EIF2S2: variants seen among roughly 807,000 people sequenced by gnomAD.
EIF2S2 encodes eukaryotic translation initiation factor 2 subunit 2.
Under a neutral mutation model 44.0 loss-of-function variants are expected in EIF2S2, and 4 were observed. The observed-to-expected ratio is 0.09, with a 90% confidence interval of 0.04 to 0.21. The LOEUF is 0.21. Among genes scored for constraint, EIF2S2 ranks in the 10% least tolerant of loss-of-function variants. The probability of loss-of-function intolerance (pLI) is 1.00; values close to 1 mark genes in which losing one functional copy is unlikely to be tolerated. For synonymous variants in EIF2S2, 108 were observed against 128.3 expected, an observed-to-expected ratio of 0.84 and a Z score of 1.07; for missense variants, 154 against 392.0, an observed-to-expected ratio of 0.39 and a Z score of 5.13.
At chr20:34,098,348 G>T in intron 4 of EIF2S2, 150 bp downstream of exon 4, 1 of 759,168 alleles carries the variant, frequency 1.3e-6, no homozygotes, top group Non-Finnish European at 2.0e-6. Context: ...CCATTATCAA[G>T]CCAAACACTG....
chr20:34,110,835 T>G (rs562711557), intron 1 of EIF2S2, among the ~76,000 whole-genome samples: 121 of 152,358 alleles, frequency 7.9e-4, no homozygotes, highest in African/African-American at 2.8e-3. Flanking sequence ...CTCAGAACTT[T>G]TGAAATACAG....
intron 8 of EIF2S2, 114 bp from the exon 9 acceptor site, chr20:34,090,019 T>G: frequency 8.5e-7 from 1 of 1,169,744 alleles, no homozygotes; most frequent in Non-Finnish European, 1.2e-6. Context: ...AGAATTTAGC[T>G]GGGCACCCAG....
chr20:34,105,595 A>G (rs767672637), intron 1 of EIF2S2, 50 bp from the exon 2 acceptor site: 4 of 1,455,804 alleles, frequency 2.7e-6, no homozygotes, highest in Non-Finnish European at 3.7e-6. Flanking sequence ...GTTTTTAATG[A>G]TGCTCACATT....
At chr20:34,103,105 T>C (rs1315387005) in intron 3 of EIF2S2, among the ~76,000 whole-genome samples, 1 of 152,190 alleles carries the variant, frequency 6.6e-6, no homozygotes, top group Admixed American at 6.5e-5. Context: ...TTGTATATAT[T>C]CAATATGTTA....
chr20:34,092,012 A>G (rs1258379352), intron 7 of EIF2S2, among the ~76,000 whole-genome samples: 1 of 152,222 alleles, frequency 6.6e-6, no homozygotes, highest in Non-Finnish European at 1.5e-5. Flanking sequence ...GGCACTTTTG[A>G]GAAAGCAAAG....
chr20:34,096,319 G>A (rs2034228178), intron 6 of EIF2S2, among the ~76,000 whole-genome samples: 3 of 152,008 alleles, frequency 2.0e-5, no homozygotes, highest in Admixed American at 2.0e-4. Context: ...TTTTAAATTG[G>A]TCGGGCATGG....
At chr20:34,098,692 T>C in intron 3 of EIF2S2, 59 bp from the exon 4 acceptor site, 1 of 1,556,898 alleles carries the variant, frequency 6.4e-7, no homozygotes, top group South Asian at 1.2e-5. Flanking sequence ...TTTATTTATT[T>C]TATTACATTT....
chr20:34,091,397 ATTAAGT>A (rs1427797685), intron 7 of EIF2S2, among the ~76,000 whole-genome samples: 7 of 152,222 alleles, frequency 4.6e-5, no homozygotes, highest in Admixed American at 4.6e-4. Flanking sequence ...AGTTATACAT[ATTAAGT>A]TTAATATGTG....
chr20:34,098,571 CATA>C lies in EIF2S2; in HGVS notation c.357_359del (p.Ile119del). ...TCTTTTTCTTCTTTTTATTGCCAAG[CATA>C]ATGTCAAGGTCATCCTCTGGTTCAG... On this transcript the variant is annotated inframe_deletion, in exon 4 of 9. Coordinates refer to ENST00000374980, the MANE Select transcript of EIF2S2 (RefSeq NM_003908.5). The C allele has an allele frequency of 1.9e-6, 3 of 1,613,928 alleles. No individual in the cohort carries two copies. Among genetic ancestry groups the C allele is most frequent in the Non-Finnish European group, 2.5e-6 (3 of 1,179,976 alleles).
At chr20:34,091,144 T>A (rs1263729162) in intron 7 of EIF2S2, among the ~76,000 whole-genome samples, 1 of 152,222 alleles carries the variant, frequency 6.6e-6, no homozygotes, top group Non-Finnish European at 1.5e-5. Context: ...CAATCAGATT[T>A]ATAATTGATT....
chr20:34,109,184 T>A (rs1456331074), intron 1 of EIF2S2, among the ~76,000 whole-genome samples: 1 of 152,152 alleles, frequency 6.6e-6, no homozygotes, highest in African/African-American at 2.4e-5. Flanking sequence ...CTTTTTTTTT[T>A]AATTTAAAGC....
chr20:34,105,650 G>GCC, intron 1 of EIF2S2, 105 bp from the exon 2 acceptor site: 1 of 1,112,940 alleles, frequency 9.0e-7, no homozygotes, highest in Non-Finnish European at 1.2e-6. Context: ...AAAAGAGTAT[G>GCC]TGATACATTA....
chr20:34,105,313 C>A, intron 2 of EIF2S2, 55 bp downstream of exon 2: 1 of 1,574,126 alleles, frequency 6.4e-7, no homozygotes. Context: ...AGCCAAAACG[C>A]TCATAGAACC....
chr20:34,093,475 G>C (rs964369795), intron 7 of EIF2S2, among the ~76,000 whole-genome samples, 200 bp downstream of exon 7: 2 of 152,232 alleles, frequency 1.3e-5, no homozygotes, highest in African/African-American at 4.8e-5. Context: ...CAGCAGGCCT[G>C]TTCAGATGTC....
At chr20:34,103,819 G>A (rs2034320395) in intron 2 of EIF2S2, among the ~76,000 whole-genome samples, 1 of 151,822 alleles carries the variant, frequency 6.6e-6, no homozygotes, top group Admixed American at 6.6e-5. Flanking sequence ...CGGTTCTCCT[G>A]CCTCAGCCTC....
At chr20:34,097,292 G>T in intron 5 of EIF2S2, 124 bp downstream of exon 5, 1 of 805,726 alleles carries the variant, frequency 1.2e-6, no homozygotes, top group Non-Finnish European at 2.0e-6. Context: ...CTGGCTGTGT[G>T]ACCTCTCTGC....
intron 6 of EIF2S2, 25 bp downstream of exon 6, chr20:34,096,631 TG>T: frequency 6.4e-7 from 1 of 1,563,838 alleles, no homozygotes; most frequent in Non-Finnish European, 8.6e-7. Flanking sequence ...GCATTTGGGA[TG>T]AAGGTACTCC....
intron 7 of EIF2S2, among the ~76,000 whole-genome samples, chr20:34,093,094 T>C (rs915671455): frequency 2.0e-5 from 3 of 152,240 alleles, no homozygotes; most frequent in Non-Finnish European, 4.4e-5. Flanking sequence ...TGACCTACTC[T>C]ACATTACTTA....
chr20:34,091,718 CAA>C (rs10714767), intron 7 of EIF2S2, among the ~76,000 whole-genome samples: 95 of 102,830 alleles, frequency 9.2e-4, no homozygotes, highest in African/African-American at 1.8e-3. Flanking sequence ...AACTCCATCT[CAA>C]AAAAAAAAAA....
Sources: gnomAD v4.1 joint callset for allele counts (sites outside exome capture counted in the v4.1 genomes callset) on GRCh38, gnomAD v4.1.1 for gene constraint, MANE v1.5 for transcripts, NCBI Gene and HGNC (gene_info 2026-07-23, HGNC 2026-07-21) for gene names.